Variants in PIBF1 observed in about 807,000 individuals in gnomAD.
PIBF1 encodes progesterone-induced-blocking factor 1.
Under a neutral mutation model 112.5 loss-of-function variants are expected in PIBF1, and 90 were observed. The observed-to-expected ratio is 0.80, with a 90% confidence interval of 0.67 to 0.95. The LOEUF (loss-of-function observed/expected upper bound fraction) is 0.95. Among genes scored for constraint, PIBF1 ranks in the 40% least tolerant of loss-of-function variants. The probability of loss-of-function intolerance (pLI) is 0.00; values close to 1 mark genes in which losing one functional copy is unlikely to be tolerated. For missense variants in PIBF1, 915 were observed against 852.3 expected (o/e 1.07, Z -0.92); for synonymous variants, 301 against 288.6 (o/e 1.04, Z -0.44).
chr13:72,967,554 A>G (rs1474901929), intron 15 of PIBF1, among the ~76,000 whole-genome samples: 1 of 152,120 alleles, frequency 6.6e-6, no homozygotes, highest in African/African-American at 2.4e-5. Context: ...TATTCTCCTA[A>G]CCATTAGGTT....
intron 9 of PIBF1, among the ~76,000 whole-genome samples, chr13:72,849,358 G>T (rs895123667): frequency 6.6e-6 from 1 of 152,186 alleles, no homozygotes; most frequent in Non-Finnish European, 1.5e-5. Context: ...TCGTTAGCTT[G>T]TACATGCTAC....
chr13:72,868,828 T>TA lies in PIBF1; in HGVS notation c.1322+14696dup, dbSNP rs56290400. On this transcript the variant is annotated intron_variant, in intron 10 of 17. Transcript: ENST00000326291. ...GTGAGACCCCAGCTCTCCCAAAAAG[T>TA]AAAAAAAAAAAAAAAAAAAAAAAGA... Among the ~76,000 whole-genome samples, 986 of 114,220 alleles carry TA rather than the reference T, an allele frequency of 8.6e-3. 13 individuals carry two copies. The highest frequency in any genetic ancestry group is 0.027 in the African/African-American group (832 of 30,350). 74.9% of individuals were successfully genotyped at this position (114,220 alleles called of 152,430 possible).
intron 12 of PIBF1, among the ~76,000 whole-genome samples, chr13:72,909,408 CAA>C (rs1304445199): frequency 6.6e-6 from 1 of 151,236 alleles, no homozygotes; most frequent in Non-Finnish European, 1.5e-5. Flanking sequence ...AGTGGAAATA[CAA>C]AAGAGATCAT....
At position 72,933,990 on chromosome 13, in the gene PIBF1, A is replaced by T. The variant is rs555995919; in HGVS notation, c.1833+2723A>T. Among the ~76,000 whole-genome samples the T allele has an allele frequency of 2.6e-5, 4 of 152,304 alleles. No homozygotes were observed. The South Asian group carries it at 8.3e-4, about 32-fold the overall frequency. On this transcript the variant is annotated intron_variant, in intron 14 of 17. Transcript: ENST00000326291. ...ATATAGGTTTAGTAGTGAGTTCTGGACTTTTGTGTATGTTTGAAAAAATTT... is the reference window on the plus strand; with the variant it reads ...ATATAGGTTTAGTAGTGAGTTCTGGTCTTTTGTGTATGTTTGAAAAAATTT...
intron 10 of PIBF1, among the ~76,000 whole-genome samples, chr13:72,892,128 AACC>A (rs1312563734): frequency 6.6e-6 from 1 of 152,152 alleles, no homozygotes; most frequent in Non-Finnish European, 1.5e-5. Flanking sequence ...ATAAGCTAAA[AACC>A]ACAGAACTGT....
chr13:72,853,161 A>T (rs892647944), intron 9 of PIBF1, among the ~76,000 whole-genome samples: 3 of 151,938 alleles, frequency 2.0e-5, no homozygotes, highest in Non-Finnish European at 2.9e-5. Context: ...TGATCTTTGG[A>T]AGCTCATGGC....
At chr13:72,831,392 G>C (rs532902593) in intron 8 of PIBF1, among the ~76,000 whole-genome samples, 1 of 152,216 alleles carries the variant, frequency 6.6e-6, no homozygotes, top group South Asian at 2.1e-4. Flanking sequence ...GACTTCTCTT[G>C]TGGGCATTTA....
rs142104412 is a variant in PIBF1, at chr13:72,907,828, G to A, written c.1489-703G>A. 2.5e-4 allele frequency among the ~76,000 whole-genome samples: 38 copies of A among 151,932 alleles called. No individual in the cohort carries two copies. The East Asian group carries it at 7.3e-3, about 29-fold the overall frequency. On this transcript the variant is annotated intron_variant, in intron 11 of 17. Transcript: ENST00000326291. ...GCATTAAAACATTTCCGTATCACTAGAGGCATCTCTTTTTTTAGTTAATTT... is the reference window on the plus strand; with the variant it reads ...GCATTAAAACATTTCCGTATCACTAAAGGCATCTCTTTTTTTAGTTAATTT...
chr13:73,001,501 C>T (rs1594350077), intron 17 of PIBF1, among the ~76,000 whole-genome samples: 1 of 142,920 alleles, frequency 7.0e-6, no homozygotes, highest in African/African-American at 2.6e-5. Context: ...CAATATGAGG[C>T]GAGCCACACA....
chr13:72,992,347 A>G (rs2043508446), intron 16 of PIBF1, among the ~76,000 whole-genome samples: 1 of 152,254 alleles, frequency 6.6e-6, no homozygotes, highest in Admixed American at 6.5e-5. Flanking sequence ...AACTTTCTAA[A>G]TTAATGAAGC....
At chr13:72,878,178 T>C (rs2039487275) in intron 10 of PIBF1, among the ~76,000 whole-genome samples, 3 of 152,120 alleles carry the variant, frequency 2.0e-5, no homozygotes, top group Admixed American at 2.0e-4. Context: ...ATTTTTGTGG[T>C]AATTATTTTC....
chr13:72,915,376 C>T (rs1385695729), intron 12 of PIBF1, among the ~76,000 whole-genome samples: 1 of 152,162 alleles, frequency 6.6e-6, no homozygotes, highest in African/African-American at 2.4e-5. Flanking sequence ...TCTTTAATAG[C>T]ATTGTTCAGA....
At chr13:72,795,099 T>C (rs1593901152) in intron 3 of PIBF1, among the ~76,000 whole-genome samples, 1 of 152,206 alleles carries the variant, frequency 6.6e-6, no homozygotes, top group East Asian at 1.9e-4. Flanking sequence ...ATTTTATAAT[T>C]TGAATTTCTA....
intron 9 of PIBF1, 33 bp downstream of exon 9, chr13:72,835,401 A>G (rs2037313156): frequency 3.3e-6 from 5 of 1,496,454 alleles, no homozygotes; most frequent in Non-Finnish European, 4.5e-6. Flanking sequence ...ATGGTATTTT[A>G]TTTATCTTTG....
At chr13:72,792,604 T>G (rs2034990948) in intron 3 of PIBF1, 57 bp downstream of exon 3, 1 of 857,970 alleles carries the variant, frequency 1.2e-6, no homozygotes, top group African/African-American at 1.8e-5. Context: ...TAAAAGTAAT[T>G]TTATTGCCTG....
At chr13:72,876,134 C>CTTTTTTTTTTTTTTTTTTTTTTTTTTTTT (rs386363749) in intron 10 of PIBF1, among the ~76,000 whole-genome samples, 1 of 91,212 alleles carries the variant, frequency 1.1e-5, no homozygotes, top group Non-Finnish European at 2.0e-5. Context: ...TGTTCAGATT[C>CTTTTTTTTTTTTTTTTTTTTTTTTTTTTT]TTTTTTTTTT....
intron 10 of PIBF1, among the ~76,000 whole-genome samples, chr13:72,868,533 G>A (rs866495318): frequency 4.6e-5 from 7 of 152,246 alleles, no homozygotes; most frequent in South Asian, 4.1e-4. Flanking sequence ...TCATTTATAA[G>A]AATGGAATGT....
At chr13:72,811,773 A>C (rs950126201) in intron 5 of PIBF1, among the ~76,000 whole-genome samples, 1 of 152,108 alleles carries the variant, frequency 6.6e-6, no homozygotes, top group Admixed American at 6.6e-5. Flanking sequence ...AAAACCTCTA[A>C]AAAATTGCTC....
intron 10 of PIBF1, among the ~76,000 whole-genome samples, chr13:72,857,113 G>A (rs2038457654): frequency 6.6e-6 from 1 of 152,116 alleles, no homozygotes; most frequent in African/African-American, 2.4e-5. Context: ...AATAAGTTCT[G>A]TGGCTTATAT....
Sources: allele counts gnomAD v4.1 joint callset (sites outside exome capture counted in the v4.1 genomes callset), GRCh38; gene constraint gnomAD v4.1.1; transcripts MANE v1.5; gene names NCBI Gene and HGNC (gene_info 2026-07-23, HGNC 2026-07-21).